The following LGR4 variants were observed in gnomAD, a reference collection of about 807,000 sequenced individuals.
LGR4 encodes the protein leucine-rich repeat-containing G protein-coupled receptor 4.
A neutral mutation model predicts 84.8 loss-of-function variants in LGR4; 44 were observed. The ratio of observed to expected loss-of-function variants is 0.52; its 90% confidence interval spans 0.41 to 0.67. The LOEUF (loss-of-function observed/expected upper bound fraction) is 0.67, where lower values mean the gene tolerates loss of function less well. Among genes scored for constraint, LGR4 ranks in the 30% least tolerant of loss-of-function variants. The pLI is 0.00. For synonymous variants in LGR4, 429 were observed against 434.3 expected, an observed-to-expected ratio of 0.99 and a Z score of 0.15; for missense variants, 1,032 against 1,131.4, an observed-to-expected ratio of 0.91 and a Z score of 1.26.
At position 27,399,486 on chromosome 11, in the gene LGR4, A is replaced by G. The variant is rs892706351; in HGVS notation, c.258-6968T>C. 4.6e-5 allele frequency among the ~76,000 whole-genome samples: 7 copies of G among 151,908 alleles called. No homozygotes were observed. In the East Asian group the frequency reaches 9.6e-4, roughly 21 times the overall value. On this transcript the variant is annotated intron_variant, in intron 2 of 17. Transcript: ENST00000379214. ...CTTTTATTAAATGTAATTTGAAATC[A>G]GCAAGCTCCAAAATTTTGGCAACTA...
chr11:27,371,558 A>G (rs1862883013), intron 17 of LGR4, 57 bp downstream of exon 17: 4 of 1,160,588 alleles, frequency 3.4e-6, no homozygotes, highest in South Asian at 2.6e-5. Flanking sequence ...ACATTTAGAT[A>G]TATTTGCCTA....
At chr11:27,403,840 T>G (rs1299735471) in intron 2 of LGR4, among the ~76,000 whole-genome samples, 3 of 152,236 alleles carry the variant, frequency 2.0e-5, no homozygotes, top group African/African-American at 7.2e-5. Context: ...TTTATAACTA[T>G]GATTTTTTTA....
intron 2 of LGR4, among the ~76,000 whole-genome samples, chr11:27,409,884 C>T (rs1686801354): frequency 1.3e-5 from 2 of 152,070 alleles, no homozygotes; most frequent in Admixed American, 1.3e-4. Context: ...TAAGAAAATA[C>T]ACTGTTTTAG....
chr11:27,389,504 G>A (rs1863243057), intron 4 of LGR4, among the ~76,000 whole-genome samples: 1 of 152,002 alleles, frequency 6.6e-6, no homozygotes, highest in Non-Finnish European at 1.5e-5. Flanking sequence ...GTACTTTAAT[G>A]TACTTATTGA....
At chr11:27,400,978 T>G (rs1467057918) in intron 2 of LGR4, among the ~76,000 whole-genome samples, 2 of 152,198 alleles carry the variant, frequency 1.3e-5, no homozygotes, top group Admixed American at 1.3e-4. Flanking sequence ...ACTAATGATG[T>G]ACTACCCCAT....
At chr11:27,414,566 A>T (rs1461267403) in intron 1 of LGR4, among the ~76,000 whole-genome samples, 1 of 152,100 alleles carries the variant, frequency 6.6e-6, no homozygotes, top group Non-Finnish European at 1.5e-5. Flanking sequence ...ATTGAAAACA[A>T]CTCAAATCCT....
chr11:27,450,555 G>A (rs1419185449), intron 1 of LGR4, among the ~76,000 whole-genome samples: 5 of 152,026 alleles, frequency 3.3e-5, no homozygotes, highest in African/African-American at 9.7e-5. Flanking sequence ...TTGAGAAGCC[G>A]AGGTGGGTGG....
chr11:27,452,702 C>A (rs1864504914), intron 1 of LGR4, among the ~76,000 whole-genome samples: 1 of 146,318 alleles, frequency 6.8e-6, no homozygotes, highest in Non-Finnish European at 1.5e-5. Context: ...CGGCTCACTG[C>A]AAGCTCCGCC....
intron 11 of LGR4, 126 bp downstream of exon 11, chr11:27,378,571 T>C: frequency 2.8e-6 from 2 of 707,690 alleles, no homozygotes; most frequent in South Asian, 1.6e-5. Context: ...TCTGCTCCTT[T>C]ACAACAACTA....
chr11:27,397,267 A>G (rs954073614), intron 2 of LGR4, among the ~76,000 whole-genome samples: 9 of 152,212 alleles, frequency 5.9e-5, no homozygotes, highest in Non-Finnish European at 1.2e-4. Context: ...TACCACCGGT[A>G]TGAACTCATG....
chr11:27,398,651 G>T (rs116906298), intron 2 of LGR4, among the ~76,000 whole-genome samples: 1 of 152,224 alleles, frequency 6.6e-6, no homozygotes, highest in Non-Finnish European at 1.5e-5. Context: ...ATAATAGAGT[G>T]CTTTCTTACT....
At chr11:27,402,473 G>C (rs1863522431) in intron 2 of LGR4, among the ~76,000 whole-genome samples, 1 of 152,128 alleles carries the variant, frequency 6.6e-6, no homozygotes, top group South Asian at 2.1e-4. Flanking sequence ...ATCAGCCCTG[G>C]AATAGTTCTA....
Position 27,385,245 on chromosome 11 carries a change from ATACT to A in LGR4, c.617+4_617+7del, listed in dbSNP as rs754528044. 6.6e-7 allele frequency: 1 copy of A among 1,522,642 alleles called. No individual in the cohort carries two copies. The highest frequency in any genetic ancestry group is 8.9e-7 in the Non-Finnish European group (1 of 1,124,388). The allele number at this position is 1,522,642 out of a possible 1,614,324, so 94.3% of individuals were successfully genotyped here. Reference sequence around the variant, plus strand: ...AAATATATGGAATTAAAAGGGATAGATACTTACAGAACTACCAGGCTTGAAAGGT... The same window carrying A: ...AAATATATGGAATTAAAAGGGATAGATACAGAACTACCAGGCTTGAAAGGT... On this transcript the variant is annotated splice_donor_5th_base_variant and intron_variant, in intron 5 of 17. Coordinates refer to ENST00000379214, the MANE Select transcript of LGR4 (RefSeq NM_018490.5).
chr11:27,400,377 C>CTGTTTCCTACG (rs1378134529), intron 2 of LGR4, among the ~76,000 whole-genome samples: 3 of 152,118 alleles, frequency 2.0e-5, no homozygotes, highest in African/African-American at 7.2e-5. Flanking sequence ...GAATGTGAGC[C>CTGTTTCCTACG]TGTTTCCTAC....
intron 2 of LGR4, 143 bp from the exon 3 acceptor site, chr11:27,392,661 C>T (rs16916964): frequency 7.3e-6 from 5 of 680,596 alleles, no homozygotes; most frequent in Non-Finnish European, 9.4e-6. Flanking sequence ...GGACTTAAAC[C>T]CTTGCTAAAA....
Position 27,472,218 on chromosome 11 carries a change from A to G in LGR4, c.85T>C (p.Cys29Arg), listed in dbSNP as rs1408306623. The G allele has an allele frequency of 7.8e-7, 1 of 1,287,580 alleles. No individual in the cohort carries two copies. Among genetic ancestry groups the G allele is most frequent in the Non-Finnish European group, 9.9e-7 (1 of 1,008,728 alleles). The allele number at this position is 1,287,580 out of a possible 1,614,324, so 79.8% of individuals were successfully genotyped here. Residue 29 changes from cysteine (C) to arginine (R), a missense_variant, in exon 1 of 18, where the codon TGC becomes CGC. Transcript: ENST00000379214. Reference sequence around the variant, plus strand: ...CCGTCGCAGCTGCAGGGCGCCGCGCAGAGAGGCGGCGCCGCGCCGCTGGGC... The same window carrying G: ...CCGTCGCAGCTGCAGGGCGCCGCGCGGAGAGGCGGCGCCGCGCCGCTGGGC... ...AGPSGAAPPL[C>R]AAPCSCDGDR... is the part of the protein sequence containing the mutation.
At chr11:27,465,347 G>A (rs911392095) in intron 1 of LGR4, among the ~76,000 whole-genome samples, 1 of 152,206 alleles carries the variant, frequency 6.6e-6, no homozygotes, top group African/African-American at 2.4e-5. Flanking sequence ...GCCAAATCTT[G>A]TGGTTGGGGG....
chr11:27,471,883 G>A (rs537656305), intron 1 of LGR4: 135 of 334,300 alleles, frequency 4.0e-4, no homozygotes, highest in African/African-American at 2.2e-3. Context: ...TGCCCAAAAA[G>A]TCTGGGAACG....
At chr11:27,440,240 A>G (rs1344426921) in intron 1 of LGR4, among the ~76,000 whole-genome samples, 1 of 152,112 alleles carries the variant, frequency 6.6e-6, no homozygotes, top group African/African-American at 2.4e-5. Context: ...TCTTGACCAC[A>G]GTGGAGGGGT....
Sources: gnomAD v4.1 joint callset for allele counts (sites outside exome capture counted in the v4.1 genomes callset) on GRCh38, gnomAD v4.1.1 for gene constraint, MANE v1.5 for transcripts, NCBI Gene and HGNC (gene_info 2026-07-23, HGNC 2026-07-21) for gene names.